Variants in PLXDC2 observed in about 807,000 individuals in gnomAD.
PLXDC2 encodes plexin domain-containing protein 2.
A neutral mutation model predicts 68.9 loss-of-function variants in PLXDC2; 40 were observed. The observed-to-expected ratio is 0.58, with a 90% CI of 0.45 to 0.76. The LOEUF (loss-of-function observed/expected upper bound fraction) is 0.76, where lower values mean the gene tolerates loss of function less well. Among genes scored for constraint, PLXDC2 ranks in the 30% least tolerant of loss-of-function variants. The probability of loss-of-function intolerance (pLI) is 0.00; values close to 1 mark genes in which losing one functional copy is unlikely to be tolerated. For missense variants in PLXDC2, 644 were observed against 661.9 expected, an observed-to-expected ratio of 0.97 and a Z score of 0.30; for synonymous variants, 243 against 234.2, an observed-to-expected ratio of 1.04 and a Z score of -0.34.
chr10:20,187,442 T>A (rs1277110343), intron 9 of PLXDC2, among the ~76,000 whole-genome samples: 1 of 151,888 alleles, frequency 6.6e-6, no homozygotes, highest in African/African-American at 2.4e-5. Flanking sequence ...ATCAATATAA[T>A]TAACATATCA....
chr10:19,836,269 G>A (rs575195977), intron 1 of PLXDC2, among the ~76,000 whole-genome samples: 61 of 152,080 alleles, frequency 4.0e-4, no homozygotes, highest in African/African-American at 1.4e-3. Flanking sequence ...GTTTTTTGCC[G>A]GCAAAGGAGA....
intron 1 of PLXDC2, among the ~76,000 whole-genome samples, chr10:19,866,152 T>A (rs975524169): frequency 6.6e-6 from 1 of 152,242 alleles, no homozygotes; most frequent in African/African-American, 2.4e-5. Flanking sequence ...TGGAACTGAA[T>A]AGCAATATAA....
chr10:20,016,008 G>T (rs1835203954), intron 2 of PLXDC2, among the ~76,000 whole-genome samples: 1 of 152,136 alleles, frequency 6.6e-6, no homozygotes, highest in South Asian at 2.1e-4. Flanking sequence ...CGAGTATAAA[G>T]TACATTCTCT....
intron 6 of PLXDC2, among the ~76,000 whole-genome samples, chr10:20,154,782 G>A (rs996501383): frequency 3.3e-5 from 5 of 151,616 alleles, no homozygotes; most frequent in Admixed American, 1.3e-4. Context: ...CTGCAAACTC[G>A]GGTTCTTTTT....
intron 1 of PLXDC2, among the ~76,000 whole-genome samples, chr10:19,870,950 T>A (rs778248819): frequency 6.6e-6 from 1 of 152,214 alleles, no homozygotes; most frequent in African/African-American, 2.4e-5. Context: ...ATCTCCTTTA[T>A]ACAGATGAAT....
At chr10:19,837,403 AGAGAGAGTGTGT>A (rs762545760) in intron 1 of PLXDC2, among the ~76,000 whole-genome samples, 9,645 of 60,140 alleles carry the variant, frequency 0.16, 334 homozygotes, top group East Asian at 0.32. Context: ...AGAGAGAGAG[AGAGAGAGTGTGT>A]GTGTGTGTGT....
Position 20,001,944 on chromosome 10 carries a change from C to A in PLXDC2, c.282C>A (p.Asp94Glu), listed in dbSNP as rs763045853. ...CTCCTGAGCCCAGAAGCTTCACAGA[C>A]CTGCTGCTGGATGATGGGCAGGACA... ...QDSPEPRSFT[D>E]LLLDDGQDNN... The change falls in exon 2 of 14, where the codon GAC becomes GAA. Residue 94 changes from aspartate to glutamate, a missense_variant. Physicochemically the swap from Asp to Glu is conservative, Grantham distance 45. Around this residue, in one of 3 missense-constraint regions of PLXDC2, gnomAD observed 201 missense variants for 166.9 expected, o/e 1.20. Transcript: ENST00000377252. 3.7e-6 allele frequency: 6 copies of A among 1,612,966 alleles called. No homozygotes were observed. Among genetic ancestry groups the A allele is most frequent in the Non-Finnish European group, 5.1e-6 (6 of 1,179,940 alleles).
chr10:20,155,710 A>G (rs1182496349), intron 6 of PLXDC2, among the ~76,000 whole-genome samples: 1 of 152,182 alleles, frequency 6.6e-6, no homozygotes, highest in Non-Finnish European at 1.5e-5. Flanking sequence ...CACATATAGA[A>G]GTGCCTGACA....
intron 1 of PLXDC2, 113 bp downstream of exon 1, chr10:19,817,304 T>G: frequency 1.2e-6 from 1 of 856,524 alleles, no homozygotes; most frequent in Non-Finnish European, 1.8e-6. Flanking sequence ...CTTGGGAAAC[T>G]TATTGCAGTT....
intron 2 of PLXDC2, among the ~76,000 whole-genome samples, chr10:20,014,374 CCTTCCTT>C (rs1835169387): frequency 7.2e-5 from 5 of 69,210 alleles, no homozygotes; most frequent in Non-Finnish European, 1.3e-4. Flanking sequence ...TTCCTTCCTT[CCTTCCTT>C]GCTTCCTTCC....
chr10:20,230,703 A>AAAAAAAC (rs1835351155), intron 12 of PLXDC2, among the ~76,000 whole-genome samples: 1 of 149,436 alleles, frequency 6.7e-6, no homozygotes, highest in African/African-American at 2.4e-5. Context: ...CAAAAAAAAA[A>AAAAAAAC]AAAAAAAAAA....
At chr10:19,858,208 G>T (rs1458352967) in intron 1 of PLXDC2, among the ~76,000 whole-genome samples, 4 of 152,082 alleles carry the variant, frequency 2.6e-5, no homozygotes, top group Non-Finnish European at 5.9e-5. Context: ...CCCTCGGGTG[G>T]CTGTAGTCCC....
chr10:20,209,427 C>T (rs1322778198), intron 9 of PLXDC2, among the ~76,000 whole-genome samples: 1 of 151,808 alleles, frequency 6.6e-6, no homozygotes, highest in Non-Finnish European at 1.5e-5. Context: ...AGGAGATATA[C>T]CTAATGTTAA....
chr10:19,934,404 A>T (rs1833690162), intron 1 of PLXDC2, among the ~76,000 whole-genome samples: 1 of 152,222 alleles, frequency 6.6e-6, no homozygotes, highest in Admixed American at 6.5e-5. Flanking sequence ...CCGTGTAATG[A>T]CCACATTCAT....
intron 4 of PLXDC2, among the ~76,000 whole-genome samples, chr10:20,082,042 T>A: frequency 2.3e-5 from 1 of 43,064 alleles, no homozygotes. Flanking sequence ...TGAAACTCCA[T>A]CTGAAAAAAA....
chr10:20,126,801 ATATATGTATATATAAC>A (rs1833795897), intron 4 of PLXDC2, among the ~76,000 whole-genome samples: 6 of 145,342 alleles, frequency 4.1e-5, no homozygotes, highest in African/African-American at 1.5e-4. Flanking sequence ...AACACACGTT[ATATATGTATATATAAC>A]ATATATGTGT....
At chr10:20,208,238 C>T (rs1043769520) in intron 9 of PLXDC2, among the ~76,000 whole-genome samples, 1 of 152,062 alleles carries the variant, frequency 6.6e-6, no homozygotes, top group Non-Finnish European at 1.5e-5. Flanking sequence ...AAGAAAAAGA[C>T]ATTTAATGGA....
intron 1 of PLXDC2, among the ~76,000 whole-genome samples, chr10:19,854,291 A>G (rs1035291144): frequency 1.3e-5 from 2 of 152,194 alleles, no homozygotes; most frequent in African/African-American, 4.8e-5. Context: ...CTTAAAAGAA[A>G]ACACCCATTT....
At chr10:19,991,606 G>C (rs369580820) in intron 1 of PLXDC2, among the ~76,000 whole-genome samples, 1 of 151,962 alleles carries the variant, frequency 6.6e-6, no homozygotes, top group East Asian at 1.9e-4. Context: ...ATTGGCTGTC[G>C]TCTCTGGTCG....
Sources: allele counts gnomAD v4.1 joint callset (sites outside exome capture counted in the v4.1 genomes callset), GRCh38; gene constraint gnomAD v4.1.1; regional missense constraint gnomAD v4.1.1; transcripts MANE v1.5; gene names NCBI Gene and HGNC (gene_info 2026-07-23, HGNC 2026-07-21).